CNIH3: variants seen among roughly 807,000 people sequenced by gnomAD.
CNIH3 encodes cornichon family AMPA receptor auxiliary protein 3, also known as protein cornichon homolog 3.
CNIH3 carries 14 observed loss-of-function variants against 24.1 expected under a neutral mutation model. The observed-to-expected ratio is 0.58, with a 90% CI of 0.38 to 0.91. CNIH3 has a LOEUF of 0.91. CNIH3 is among the 40% of genes least tolerant of loss of function. The pLI is 0.00. For missense variants in CNIH3, 178 were observed against 196.8 expected (o/e 0.90, Z 0.57); for synonymous variants, 68 against 73.8 (o/e 0.92, Z 0.40).
chr1:224,533,740 C>T (rs1011711095), intron 2 of CNIH3, among the ~76,000 whole-genome samples: 19 of 152,192 alleles, frequency 1.2e-4, no homozygotes, highest in African/African-American at 3.9e-4. Flanking sequence ...TTTATAATGA[C>T]ACCTGTCATA....
At position 224,462,805 on chromosome 1, in the gene CNIH3, A is replaced by G. The variant is rs1572290349; in HGVS notation, n.203+27943A>G. ...CAGGCACGCACCACCACACCTGGCT[A>G]ATTTTTTGTATTTTTATTGTAGACA... is the stretch of plus-strand genomic sequence containing the variant. On this transcript the variant is annotated intron_variant and non_coding_transcript_variant, in intron 1 of 5. Transcript: ENST00000471578. 2.0e-5 allele frequency among the ~76,000 whole-genome samples: 3 copies of G among 151,166 alleles called. No homozygotes were observed. The South Asian group carries it at 6.3e-4, about 32-fold the overall frequency.
chr1:224,459,323 T>G (rs972578135), intron 1 of CNIH3: 1 of 607,592 alleles, frequency 1.6e-6, no homozygotes, highest in East Asian at 1.4e-4. Flanking sequence ...ATTCCGGGTC[T>G]TTAACAAAGT....
At chr1:224,715,969 A>C (rs2125211944) in intron 3 of CNIH3, among the ~76,000 whole-genome samples, 1 of 152,214 alleles carries the variant, frequency 6.6e-6, no homozygotes, top group South Asian at 2.1e-4. Flanking sequence ...CACCCCTAAA[A>C]ATATTTCTCC....
At chr1:224,452,959 A>G (rs945940297) in intron 1 of CNIH3, among the ~76,000 whole-genome samples, 1 of 150,924 alleles carries the variant, frequency 6.6e-6, no homozygotes, top group African/African-American at 2.4e-5. Context: ...CGTCTCTACT[A>G]AAAATACAAA....
chr1:224,441,997 T>C lies in CNIH3; in HGVS notation n.203+7135T>C, dbSNP rs538938663. Among the ~76,000 whole-genome samples, 98 of 151,392 alleles carry C rather than the reference T, an allele frequency of 6.5e-4. 4 individuals are homozygous for C. In the South Asian group the frequency reaches 0.012, roughly 19 times the overall value. ...CTCAGGACTAACAGAGTTTGGGAGA[T>C]TTATTGATTCCCTTAATTTTTTTTT... On this transcript the variant is annotated intron_variant and non_coding_transcript_variant, in intron 1 of 5. Transcript: ENST00000471578.
At chr1:224,557,075 T>C (rs1037418624) in intron 3 of CNIH3, among the ~76,000 whole-genome samples, 1 of 152,120 alleles carries the variant, frequency 6.6e-6, no homozygotes, top group Non-Finnish European at 1.5e-5. Flanking sequence ...AGGGTCTCAC[T>C]CTGTCACCCA....
intron 3 of CNIH3, among the ~76,000 whole-genome samples, chr1:224,717,258 G>A (rs924011590): frequency 5.9e-5 from 9 of 152,194 alleles, no homozygotes; most frequent in African/African-American, 2.2e-4. Flanking sequence ...ACTGGGTTCT[G>A]ATGAGGGCCC....
At position 224,655,351 on chromosome 1, in the gene CNIH3, T is replaced by A. The variant is rs150881219; in HGVS notation, c.82-25607T>A. On this transcript the variant is annotated intron_variant, in intron 1 of 5. Coordinates refer to ENST00000272133, the MANE Select transcript of CNIH3 (RefSeq NM_152495.2). Reference sequence around the variant, plus strand: ...AAGCAAGAGGGCAAGGAAGGCCAGATGGTGCATTCTTCAGAGCCTGCCAGG... The same window carrying A: ...AAGCAAGAGGGCAAGGAAGGCCAGAAGGTGCATTCTTCAGAGCCTGCCAGG... Among the ~76,000 whole-genome samples, 569 of 152,246 alleles carry A rather than the reference T, an allele frequency of 3.7e-3. 3 individuals carry two copies. The highest frequency in any genetic ancestry group is 0.013 in the African/African-American group (526 of 41,548).
intron 1 of CNIH3, among the ~76,000 whole-genome samples, chr1:224,471,195 C>T (rs1381710982): frequency 6.6e-6 from 1 of 152,074 alleles, no homozygotes; most frequent in Admixed American, 6.6e-5. Context: ...TACGCCACCA[C>T]ATCCAGCTCA....
intron 1 of CNIH3, among the ~76,000 whole-genome samples, chr1:224,619,772 A>G (rs568219384): frequency 1.4e-4 from 21 of 152,386 alleles, no homozygotes; most frequent in South Asian, 6.2e-4. Context: ...TGTGATATAT[A>G]TCAGTACCCC....
rs566523771 is a variant in CNIH3, at chr1:224,640,629, GC to G, written c.81+23377del. Among the ~76,000 whole-genome samples the G allele has an allele frequency of 8.7e-3, 1,318 of 152,302 alleles. 20 individuals carry two copies. The highest frequency in any genetic ancestry group is 0.027 in the Middle Eastern group (8 of 294). On this transcript the variant is annotated intron_variant, in intron 1 of 5. Transcript: ENST00000272133. ...CTATTCTCTGCTCATTAGTTTCTGT[GC>G]CCAGTGTCTGTGCAGGCAGGGGCTG...
intron 1 of CNIH3, among the ~76,000 whole-genome samples, chr1:224,516,043 G>A (rs573510873): frequency 5.3e-5 from 8 of 152,070 alleles, no homozygotes; most frequent in Admixed American, 2.6e-4. Flanking sequence ...CTGCCCAGGC[G>A]CGGTGGCTTA....
At position 224,684,917 on chromosome 1, in the gene CNIH3, TG is replaced by T; in HGVS notation, c.198+75del. 1.2e-5 allele frequency: 16 copies of T among 1,380,692 alleles called. No homozygotes were observed. Among genetic ancestry groups the T allele is most frequent in the Non-Finnish European group, 1.6e-5 (15 of 967,224 alleles). 85.5% of individuals were successfully genotyped at this position (1,380,692 alleles called of 1,614,324 possible). A position where few individuals can be genotyped will look rare whatever the true frequency, so the allele number is the denominator to read the frequency against. ...GTGGGCACACAGTGAAAGAGGCTAG[TG>T]AGGCTCTGCCTGCTCCAGTCCTGTC... On this transcript the variant is annotated intron_variant, in intron 3 of 5. Coordinates refer to ENST00000272133, the MANE Select transcript of CNIH3 (RefSeq NM_152495.2). The surrounding 1 kb of genome is among the most constrained non-coding windows in gnomAD (Gnocchi z 4.2).
intron 3 of CNIH3, among the ~76,000 whole-genome samples, chr1:224,712,546 A>G (rs1409743418): frequency 6.6e-6 from 1 of 152,212 alleles, no homozygotes. Context: ...ATGAATGAAT[A>G]CATGCATGAG....
chr1:224,597,889 C>T lies in CNIH3; in HGVS notation n.402+31625C>T, dbSNP rs542424063. ...GGTAATTGGCATCAGAAGTAGGGGG[C>T]GGGGACTCAGCCCTCAACCTGTGGG... On this transcript the variant is annotated intron_variant and non_coding_transcript_variant, in intron 3 of 7. Coordinates refer to the CNIH3 transcript ENST00000478120. 3.3e-5 allele frequency among the ~76,000 whole-genome samples: 5 copies of T among 152,180 alleles called. No homozygotes were observed. In the East Asian group the frequency reaches 5.8e-4, roughly 18 times the overall value.
At chr1:224,613,009 A>G (rs1403574560), upstream of CNIH3, among the ~76,000 whole-genome samples, 3 of 152,194 alleles carry the variant, frequency 2.0e-5, no homozygotes, top group African/African-American at 7.2e-5. Context: ...AAATTATTTT[A>G]TATTTTTGAG....
intron 3 of CNIH3, among the ~76,000 whole-genome samples, chr1:224,551,625 ATAT>A (rs1173940067): frequency 6.6e-6 from 1 of 152,130 alleles, no homozygotes; most frequent in Non-Finnish European, 1.5e-5. Context: ...TAAACACTAG[ATAT>A]TATAGAAATA....
chr1:224,620,064 T>C (rs1683208076), intron 1 of CNIH3, among the ~76,000 whole-genome samples: 7 of 152,364 alleles, frequency 4.6e-5, no homozygotes, highest in Admixed American at 3.3e-4. Context: ...AAGTCTTGTT[T>C]TTTACTTTGA....
intron 1 of CNIH3, among the ~76,000 whole-genome samples, chr1:224,452,739 G>A (rs201688073): frequency 5.2e-5 from 7 of 134,338 alleles, no homozygotes; most frequent in East Asian, 2.2e-4. Context: ...CCGAGATCGC[G>A]CCACTGCACT....
Sources: allele counts gnomAD v4.1 joint callset (sites outside exome capture counted in the v4.1 genomes callset), GRCh38; gene constraint gnomAD v4.1.1; non-coding constraint Gnocchi (gnomAD v3.1); transcripts MANE v1.5; gene names NCBI Gene and HGNC (gene_info 2026-07-23, HGNC 2026-07-21).